IQSEC1: variants seen among roughly 807,000 people sequenced by gnomAD.
IQSEC1 encodes the protein IQ motif and Sec7 domain ArfGEF 1, also known as IQ motif and SEC7 domain-containing protein 1.
A neutral mutation model predicts 91.0 loss-of-function variants in IQSEC1; 31 were observed. The ratio of observed to expected loss-of-function variants is 0.34; its 90% confidence interval spans 0.26 to 0.46. The LOEUF (loss-of-function observed/expected upper bound fraction) is 0.46, where lower values mean the gene tolerates loss of function less well. Among genes scored for constraint, IQSEC1 ranks in the 20% least tolerant of loss-of-function variants. The pLI is 1.00. For synonymous variants in IQSEC1, 699 were observed against 662.6 expected, an observed-to-expected ratio of 1.05 and a Z score of -0.84; for missense variants, 1,388 against 1,575.6, an observed-to-expected ratio of 0.88 and a Z score of 2.02.
chr3:13,221,676 G>A (rs1289379520), intron 1 of IQSEC1, among the ~76,000 whole-genome samples: 1 of 152,260 alleles, frequency 6.6e-6, no homozygotes, highest in Non-Finnish European at 1.5e-5. Context: ...TCCTGCCCAA[G>A]TGGGGCTTCC....
chr3:13,268,137 A>G (rs1011886517), intron 1 of IQSEC1, among the ~76,000 whole-genome samples: 5 of 152,340 alleles, frequency 3.3e-5, no homozygotes, highest in African/African-American at 7.2e-5. Flanking sequence ...GTCACGGCCA[A>G]TGCACACCCC....
At chr3:13,012,060 A>G (rs995299552) in intron 1 of IQSEC1, among the ~76,000 whole-genome samples, 1 of 152,186 alleles carries the variant, frequency 6.6e-6, no homozygotes, top group Non-Finnish European at 1.5e-5. Flanking sequence ...ATGAGGCAAC[A>G]TATGGAGGGG....
intron 1 of IQSEC1, among the ~76,000 whole-genome samples, chr3:13,227,329 T>A (rs1472428985): frequency 7.5e-6 from 1 of 133,222 alleles, no homozygotes; most frequent in Non-Finnish European, 1.5e-5. Flanking sequence ...TGAGCCGAGA[T>A]TGCGCCATTG....
chr3:13,158,430 G>A (rs888846596), intron 2 of IQSEC1, among the ~76,000 whole-genome samples: 7 of 152,228 alleles, frequency 4.6e-5, no homozygotes, highest in African/African-American at 1.7e-4. Context: ...CTTTGCCTTG[G>A]TATGGAGACA....
Position 13,282,521 on chromosome 3 carries a change from G to A in IQSEC1, c.272+190C>T, listed in dbSNP as rs1695814368. Among the ~76,000 whole-genome samples, 1 of 151,866 alleles carries A rather than the reference G, an allele frequency of 6.6e-6. No individual in the cohort carries two copies. Among genetic ancestry groups the A allele is most frequent in the Admixed American group, 6.5e-5 (1 of 15,278 alleles). ...CAGTCCCCACCCGAGATCGAGCTCC[G>A]GATCTGGGCGGCGACCCCGCCAGAG... On this transcript the variant is annotated intron_variant, in intron 1 of 15. Transcript: ENST00000648114. The surrounding 1 kb of genome is among the most constrained non-coding windows in gnomAD (Gnocchi z 6.4).
chr3:13,085,027 A>C (rs1705712819), intron 2 of IQSEC1, among the ~76,000 whole-genome samples: 1 of 152,108 alleles, frequency 6.6e-6, no homozygotes, highest in Non-Finnish European at 1.5e-5. Flanking sequence ...GGACAGAAAA[A>C]CAGGTTGTTG....
chr3:13,206,436 C>A (rs1281161975), intron 1 of IQSEC1, among the ~76,000 whole-genome samples: 3 of 152,162 alleles, frequency 2.0e-5, no homozygotes, highest in African/African-American at 7.2e-5. Flanking sequence ...CACAATGAGA[C>A]ACCACGATAT....
chr3:13,227,405 GA>G (rs200803268), intron 1 of IQSEC1, among the ~76,000 whole-genome samples: 2,054 of 135,910 alleles, frequency 0.015, 35 homozygotes, highest in African/African-American at 0.043. Context: ...AAGAAAGAAA[GA>G]AAAGAAAACG....
At chr3:13,067,416 G>A (rs1705271857) in intron 1 of IQSEC1, among the ~76,000 whole-genome samples, 2 of 152,200 alleles carry the variant, frequency 1.3e-5, no homozygotes. Flanking sequence ...GCATTGGGTG[G>A]GGGGCTCCCA....
At chr3:12,998,688 G>A (rs1702311446) in intron 1 of IQSEC1, among the ~76,000 whole-genome samples, 1 of 152,192 alleles carries the variant, frequency 6.6e-6, no homozygotes, top group African/African-American at 2.4e-5. Flanking sequence ...TAGAATATCT[G>A]CTGGTACCTG....
At chr3:12,916,086 C>T (rs917888805) in intron 6 of IQSEC1, among the ~76,000 whole-genome samples, 3 of 152,180 alleles carry the variant, frequency 2.0e-5, no homozygotes, top group Non-Finnish European at 2.9e-5. Flanking sequence ...CTGAGGCTGA[C>T]GTGTGGGGAG....
At chr3:13,177,180 A>T (rs1693747876) in intron 1 of IQSEC1, among the ~76,000 whole-genome samples, 1 of 152,250 alleles carries the variant, frequency 6.6e-6, no homozygotes, top group Admixed American at 6.5e-5. Context: ...ACACACTTTA[A>T]AAGGGCCAAG....
At chr3:13,142,514 G>C (rs1706818215) in intron 2 of IQSEC1, among the ~76,000 whole-genome samples, 1 of 152,130 alleles carries the variant, frequency 6.6e-6, no homozygotes, top group Non-Finnish European at 1.5e-5. Flanking sequence ...CCCACCTCTG[G>C]CTGCCTTCCT....
chr3:13,158,255 A>T (rs574327534), intron 2 of IQSEC1, among the ~76,000 whole-genome samples: 1 of 152,192 alleles, frequency 6.6e-6, no homozygotes, highest in Non-Finnish European at 1.5e-5. Context: ...GCCTGCTCCC[A>T]TTCCTTCCTG....
At chr3:13,199,408 G>A (rs1006106293) in intron 1 of IQSEC1, among the ~76,000 whole-genome samples, 1 of 152,164 alleles carries the variant, frequency 6.6e-6, no homozygotes, top group African/African-American at 2.4e-5. Context: ...CTGGGACAGG[G>A]GCCGTCCAGG....
At chr3:13,198,817 G>T (rs1694185225) in intron 1 of IQSEC1, among the ~76,000 whole-genome samples, 1 of 152,226 alleles carries the variant, frequency 6.6e-6, no homozygotes, top group African/African-American at 2.4e-5. Context: ...GCCTGCTGGA[G>T]CTCATGCCCT....
At chr3:13,140,801 C>T (rs550745646) in intron 2 of IQSEC1, among the ~76,000 whole-genome samples, 2 of 152,296 alleles carry the variant, frequency 1.3e-5, no homozygotes, top group South Asian at 4.1e-4. Context: ...GGCTCTGTTC[C>T]GCATCCCACC....
rs114411375 is a variant in IQSEC1, at chr3:13,206,751, C to T, written c.273-42618G>A. ...GGGATGGTGAGGGCACATGGGGAGA[C>T]GCAGCTTACAGACACTAAGCTGGTG... On this transcript the variant is annotated intron_variant, in intron 1 of 15. Coordinates refer to the IQSEC1 transcript ENST00000648114. Among the ~76,000 whole-genome samples the T allele has an allele frequency of 5.3e-5, 8 of 152,228 alleles. No homozygotes were observed. In the South Asian group the frequency reaches 6.2e-4, roughly 12 times the overall value.
intron 1 of IQSEC1, among the ~76,000 whole-genome samples, chr3:13,015,377 G>A (rs1408374199): frequency 6.6e-6 from 1 of 152,146 alleles, no homozygotes; most frequent in Non-Finnish European, 1.5e-5. Context: ...AACACCTGGT[G>A]TTCCTGGGCC....
Sources: allele counts gnomAD v4.1 joint callset (sites outside exome capture counted in the v4.1 genomes callset), GRCh38; gene constraint gnomAD v4.1.1; non-coding constraint Gnocchi (gnomAD v3.1); transcripts MANE v1.5; gene names NCBI Gene and HGNC (gene_info 2026-07-23, HGNC 2026-07-21).